Variants in PPA2 observed in about 807,000 individuals in gnomAD.
PPA2 encodes the protein inorganic pyrophosphatase 2.
PPA2 carries 48 observed loss-of-function variants against 49.5 expected under a neutral mutation model. The ratio of observed to expected loss-of-function variants is 0.97; its 90% CI spans 0.77 to 1.23. The LOEUF (loss-of-function observed/expected upper bound fraction) is 1.23. Ranked by LOEUF, PPA2 falls within the 50% of genes most tolerant of loss-of-function variation. PPA2 has a pLI of 0.00. For missense variants in PPA2, 429 were observed against 410.1 expected (o/e 1.05, Z -0.40); for synonymous variants, 131 against 139.9 (o/e 0.94, Z 0.45).
At chr4:105,470,704 G>C (rs1225845707) in intron 1 of PPA2, among the ~76,000 whole-genome samples, 1 of 152,180 alleles carries the variant, frequency 6.6e-6, no homozygotes, top group East Asian at 1.9e-4. Flanking sequence ...TCACGTGTGA[G>C]ACACTGATAA....
intron 7 of PPA2, among the ~76,000 whole-genome samples, chr4:105,406,114 C>CAAAAAAAAAAAAAAA (rs35468715): frequency 1.4e-4 from 14 of 97,566 alleles, no homozygotes; most frequent in Middle Eastern, 6.3e-3. Context: ...TATAAAACTT[C>CAAAAAAAAAAAAAAA]AAAAAAAAAA....
intron 7 of PPA2, among the ~76,000 whole-genome samples, chr4:105,422,066 A>C (rs1723278591): frequency 6.6e-6 from 1 of 152,186 alleles, no homozygotes; most frequent in African/African-American, 2.4e-5. Flanking sequence ...AACTTATTTT[A>C]TAAAATCTAG....
intron 7 of PPA2, among the ~76,000 whole-genome samples, chr4:105,403,110 A>C (rs890861098): frequency 2.0e-5 from 3 of 151,658 alleles, no homozygotes; most frequent in African/African-American, 7.3e-5. Flanking sequence ...TGCAACCTTG[A>C]CTTCCAGGGC....
chr4:105,459,130 T>C (rs1722983301), intron 1 of PPA2, among the ~76,000 whole-genome samples: 1 of 152,192 alleles, frequency 6.6e-6, no homozygotes. Context: ...ATAATTTTTA[T>C]TTCCCCACCC....
chr4:105,461,834 G>A (rs918256585), intron 1 of PPA2, among the ~76,000 whole-genome samples: 3 of 152,138 alleles, frequency 2.0e-5, no homozygotes, highest in African/African-American at 7.2e-5. Context: ...AGTGATCCAC[G>A]CCCATAGCTA....
chr4:105,387,700 C>T (rs908768270), intron 9 of PPA2, among the ~76,000 whole-genome samples: 6 of 151,710 alleles, frequency 4.0e-5, no homozygotes, highest in Non-Finnish European at 7.4e-5. Context: ...TTTTTTTTGC[C>T]ACTATAGCAC....
At chr4:105,415,946 C>T (rs1265830055) in intron 7 of PPA2, among the ~76,000 whole-genome samples, 1 of 152,090 alleles carries the variant, frequency 6.6e-6, no homozygotes, top group East Asian at 1.9e-4. Flanking sequence ...GTGTGTGAGG[C>T]AAATATCAAA....
At chr4:105,414,838 C>T (rs1722932951) in intron 7 of PPA2, among the ~76,000 whole-genome samples, 1 of 152,088 alleles carries the variant, frequency 6.6e-6, no homozygotes, top group African/African-American at 2.4e-5. Flanking sequence ...AATGAGGTAC[C>T]TGGGCAAATG....
At position 105,439,249 on chromosome 4, in the gene PPA2, C is replaced by G. The variant is rs962879075; in HGVS notation, c.442-1213G>C. On this transcript the variant is annotated intron_variant, in intron 5 of 11. Transcript: ENST00000341695. ...AGTAAATTGAAACACAGAGTTTAAA[C>G]TTGCACAAACTCATGGTTTCTATAT... Among the ~76,000 whole-genome samples the G allele has an allele frequency of 6.6e-5, 10 of 152,230 alleles. No individual in the cohort carries two copies. In the South Asian group the frequency reaches 2.1e-3, roughly 32 times the overall value.
chr4:105,420,384 G>A (rs950471390), intron 7 of PPA2, among the ~76,000 whole-genome samples: 4 of 152,130 alleles, frequency 2.6e-5, no homozygotes, highest in African/African-American at 9.7e-5. Context: ...TGGGTTACTG[G>A]TGCGAGCAAC....
At chr4:105,455,689 C>A (rs933158849) in intron 2 of PPA2, among the ~76,000 whole-genome samples, 2 of 152,178 alleles carry the variant, frequency 1.3e-5, no homozygotes, top group African/African-American at 2.4e-5. Flanking sequence ...GGAAGCAGCA[C>A]AAATCCTACT....
At chr4:105,460,858 CATATAT>C (rs746079683) in intron 1 of PPA2, among the ~76,000 whole-genome samples, 12 of 144,938 alleles carry the variant, frequency 8.3e-5, no homozygotes, top group Non-Finnish European at 1.5e-4. Context: ...TGTAAGATCA[CATATAT>C]ATATAGTTTT....
chr4:105,466,921 A>T (rs553757915), intron 1 of PPA2, among the ~76,000 whole-genome samples: 8 of 152,270 alleles, frequency 5.3e-5, no homozygotes, highest in Admixed American at 2.6e-4. Flanking sequence ...GAGGTCACAT[A>T]CCAAACTCTG....
intron 10 of PPA2, 90 bp downstream of exon 10, chr4:105,386,477 C>T: frequency 8.5e-7 from 1 of 1,180,834 alleles, no homozygotes; most frequent in Non-Finnish European, 1.2e-6. Flanking sequence ...AAGGACTTGA[C>T]ACATTTCATT....
chr4:105,370,589 CG>C (rs1732982224), intron 11 of PPA2: 7 of 970,372 alleles, frequency 7.2e-6, no homozygotes, highest in East Asian at 2.6e-4. Context: ...AGTACTTCAG[CG>C]AAAAAAAAAG....
chr4:105,377,526 T>A (rs190935011), intron 10 of PPA2, among the ~76,000 whole-genome samples: 3,144 of 151,840 alleles, frequency 0.021, 48 homozygotes, highest in Middle Eastern at 0.061. Flanking sequence ...GAAAAAAAAA[T>A]TTTTTTTCAA....
At chr4:105,403,322 A>T (rs2726509) in intron 7 of PPA2, among the ~76,000 whole-genome samples, 1 of 151,684 alleles carries the variant, frequency 6.6e-6, no homozygotes, top group South Asian at 2.1e-4. Flanking sequence ...TGGGATTACA[A>T]GTGTGAGCCA....
At chr4:105,405,900 G>A (rs2110404607) in intron 7 of PPA2, 1 of 453,434 alleles carries the variant, frequency 2.2e-6, no homozygotes. Flanking sequence ...GTCAAGTGAA[G>A]GCAGGATGAC....
chr4:105,426,307 C>A (rs575238686), intron 6 of PPA2, among the ~76,000 whole-genome samples: 1 of 152,264 alleles, frequency 6.6e-6, no homozygotes, highest in South Asian at 2.1e-4. Flanking sequence ...AACTGAGGTA[C>A]CTGGTTCATC....
Sources: allele counts gnomAD v4.1 joint callset (sites outside exome capture counted in the v4.1 genomes callset), GRCh38; gene constraint gnomAD v4.1.1; transcripts MANE v1.5; gene names NCBI Gene and HGNC (gene_info 2026-07-23, HGNC 2026-07-21).